The following CEP85L variants were observed in gnomAD, a reference collection of about 807,000 sequenced individuals.
The protein encoded by CEP85L is centrosomal protein 85L, also known as centrosomal protein of 85 kDa-like.
CEP85L carries 60 observed loss-of-function variants against 100.3 expected under a neutral mutation model. The ratio of observed to expected loss-of-function variants is 0.60; its 90% CI spans 0.49 to 0.74. The LOEUF (loss-of-function observed/expected upper bound fraction) is 0.74, where lower values mean the gene tolerates loss of function less well. Among genes scored for constraint, CEP85L ranks in the 30% least tolerant of loss-of-function variants. CEP85L has a pLI of 0.00. For missense variants in CEP85L, 973 were observed against 936.2 expected (o/e 1.04, Z -0.51); for synonymous variants, 319 against 322.7 (o/e 0.99, Z 0.12).
intron 2 of CEP85L, among the ~76,000 whole-genome samples, chr6:118,628,395 C>T (rs2115306039): frequency 6.6e-6 from 1 of 152,170 alleles, no homozygotes; most frequent in Admixed American, 6.5e-5. Context: ...CAAAAATACT[C>T]TAATAGAAAT....
At chr6:118,595,852 CCA>C (rs1781435155) in intron 2 of CEP85L, among the ~76,000 whole-genome samples, 1 of 152,060 alleles carries the variant, frequency 6.6e-6, no homozygotes, top group Non-Finnish European at 1.5e-5. Context: ...GCACTTCATG[CCA>C]CAGTCTCACC....
intron 1 of CEP85L, among the ~76,000 whole-genome samples, chr6:118,677,481 G>A (rs991901570): frequency 6.6e-6 from 1 of 152,142 alleles, no homozygotes; most frequent in Non-Finnish European, 1.5e-5. Flanking sequence ...GCAGAACAGT[G>A]AAACTGAGCT....
At chr6:118,522,493 A>G (rs1267106058) in intron 4 of CEP85L, among the ~76,000 whole-genome samples, 1 of 152,224 alleles carries the variant, frequency 6.6e-6, no homozygotes. Context: ...TTTTCCTAAA[A>G]TCAATTAAAA....
chr6:118,626,886 G>T (rs1773832909), intron 2 of CEP85L, among the ~76,000 whole-genome samples: 1 of 152,072 alleles, frequency 6.6e-6, no homozygotes, highest in Non-Finnish European at 1.5e-5. Context: ...AATATATAAA[G>T]AACTCTCAAA....
At position 118,513,024 on chromosome 6, in the gene CEP85L, TAAG is replaced by T. The variant is rs546204821; in HGVS notation, c.1140-1612_1140-1610del. Among the ~76,000 whole-genome samples the T allele has an allele frequency of 6.5e-3, 984 of 152,264 alleles. 5 individuals are homozygous for T. The highest frequency in any genetic ancestry group is 0.011 in the Non-Finnish European group (741 of 68,018). On this transcript the variant is annotated intron_variant, in intron 4 of 12. Coordinates refer to ENST00000368491, the MANE Select transcript of CEP85L (RefSeq NM_001042475.3). ...AAGTTAGAAGAATGAACGAACATGT[TAAG>T]AGGAGACATACATGACAAACAACAC...
chr6:118,668,413 T>A (rs1395872986), intron 1 of CEP85L, among the ~76,000 whole-genome samples: 1 of 152,202 alleles, frequency 6.6e-6, no homozygotes, highest in Non-Finnish European at 1.5e-5. Context: ...ATAGAGATGC[T>A]CTTTTGTTTA....
chr6:118,565,984 C>T lies in CEP85L; in HGVS notation c.565G>A (p.Ala189Thr). The part of the protein sequence containing the change: ...SRNGLEKIGK[A>T]KALTSQLRTI... ...CTCAGTTGTGATGTTAAAGCCTTAGCCTTCCCTATCTTCTCCAAACCATTC... is the reference window on the plus strand; with the variant it reads ...CTCAGTTGTGATGTTAAAGCCTTAGTCTTCCCTATCTTCTCCAAACCATTC... The change falls in exon 3 of 13, where the codon GCT becomes ACT. Residue 189 changes from alanine (A) to threonine (T), a missense_variant. This residue lies in a region of CEP85L where 890 missense variants were observed against 844.5 expected (regional missense o/e 1.05). Coordinates refer to ENST00000368491, the MANE Select transcript of CEP85L (RefSeq NM_001042475.3). 6.2e-7 allele frequency: 1 copy of T among 1,614,202 alleles called. No homozygotes were observed. Among genetic ancestry groups the T allele is most frequent in the South Asian group, 1.1e-5 (1 of 91,092 alleles).
At chr6:118,578,446 C>T (rs549481698) in intron 2 of CEP85L, among the ~76,000 whole-genome samples, 3 of 152,304 alleles carry the variant, frequency 2.0e-5, no homozygotes, top group African/African-American at 7.2e-5. Context: ...AATAAAAACC[C>T]TTTGGCCGGG....
At chr6:118,601,542 TG>T (rs1335113271) in intron 2 of CEP85L, among the ~76,000 whole-genome samples, 1 of 152,222 alleles carries the variant, frequency 6.6e-6, no homozygotes, top group Non-Finnish European at 1.5e-5. Flanking sequence ...ATATCTGTTT[TG>T]GGGTATCATC....
intron 1 of CEP85L, among the ~76,000 whole-genome samples, chr6:118,703,437 C>T (rs1562367611): frequency 6.6e-6 from 1 of 152,116 alleles, no homozygotes; most frequent in Admixed American, 6.5e-5. Flanking sequence ...AACTCTTAGC[C>T]TCAAGTGAGC....
intron 6 of CEP85L, among the ~76,000 whole-genome samples, chr6:118,491,254 T>C (rs1166286115): frequency 6.6e-6 from 1 of 150,412 alleles, no homozygotes; most frequent in Non-Finnish European, 1.5e-5. Flanking sequence ...CATGCATATC[T>C]AGTGTTCCTG....
At chr6:118,654,093 A>T (rs1203925876), upstream of CEP85L, among the ~76,000 whole-genome samples, 1 of 152,178 alleles carries the variant, frequency 6.6e-6, no homozygotes, top group African/African-American at 2.4e-5. Flanking sequence ...CTGAAGAGGG[A>T]TATGACAATG....
chr6:118,704,945 A>G (rs1431081846), intron 1 of CEP85L, among the ~76,000 whole-genome samples: 1 of 151,900 alleles, frequency 6.6e-6, no homozygotes. Flanking sequence ...CTAAGTATTT[A>G]CCACATTTCT....
At chr6:118,684,852 A>G (rs906638575) in intron 1 of CEP85L, among the ~76,000 whole-genome samples, 6 of 152,090 alleles carry the variant, frequency 3.9e-5, no homozygotes, top group African/African-American at 1.2e-4. Flanking sequence ...AGATCTCACT[A>G]TGTTGCCCAG....
intron 5 of CEP85L, among the ~76,000 whole-genome samples, chr6:118,510,612 T>A (rs1179036070): frequency 6.6e-6 from 1 of 151,856 alleles, no homozygotes; most frequent in East Asian, 1.9e-4. Context: ...AGTTGGGGAG[T>A]GGGACGGTGA....
upstream of CEP85L, among the ~76,000 whole-genome samples, chr6:118,652,245 C>CAA (rs1775612082): frequency 6.6e-6 from 1 of 152,080 alleles, no homozygotes; most frequent in Non-Finnish European, 1.5e-5. Flanking sequence ...AAAATGGCAC[C>CAA]AAAGTCTGTA....
chr6:118,563,552 CTTA>C (rs1486578911), intron 3 of CEP85L, among the ~76,000 whole-genome samples: 1 of 152,112 alleles, frequency 6.6e-6, no homozygotes. Flanking sequence ...CGGCCTGGTC[CTTA>C]TTAAGGTTCT....
chr6:118,628,544 T>TA lies in CEP85L; in HGVS notation c.232+3908dup, dbSNP rs1256669914. 1.0e-3 allele frequency among the ~76,000 whole-genome samples: 149 copies of TA among 145,940 alleles called. 1 individual carries two copies. Among genetic ancestry groups the TA allele is most frequent in the African/African-American group, 2.5e-3 (99 of 39,746 alleles). On this transcript the variant is annotated intron_variant, in intron 2 of 12. Coordinates refer to ENST00000368491, the MANE Select transcript of CEP85L (RefSeq NM_001042475.3). ...TAAAAATGGAACATAATTATTTAAT[T>TA]AAAAAAAAAAGGAGAAGAAGGCAGA...
chr6:118,609,161 T>C (rs1307765301), intron 2 of CEP85L, among the ~76,000 whole-genome samples: 3 of 152,186 alleles, frequency 2.0e-5, no homozygotes, highest in African/African-American at 7.2e-5. Flanking sequence ...AAAGCCTGTG[T>C]GTATGTGACT....
Sources: allele counts gnomAD v4.1 joint callset (sites outside exome capture counted in the v4.1 genomes callset), GRCh38; gene constraint gnomAD v4.1.1; regional missense constraint gnomAD v4.1.1; transcripts MANE v1.5; gene names NCBI Gene and HGNC (gene_info 2026-07-23, HGNC 2026-07-21).